The following CDH7 variants were observed in gnomAD, a reference collection of about 807,000 sequenced individuals.
The protein encoded by CDH7 is cadherin 7, also known as cadherin-7.
A neutral mutation model predicts 71.8 loss-of-function variants in CDH7; 25 were observed. That is an observed-to-expected ratio of 0.35 (90% CI 0.25 to 0.49). The LOEUF (loss-of-function observed/expected upper bound fraction) is 0.49. CDH7 is among the 20% of genes least tolerant of loss of function. The pLI is 0.99. For synonymous variants in CDH7, 381 were observed against 363.8 expected, an observed-to-expected ratio of 1.05 and a Z score of -0.54; for missense variants, 862 against 974.6, an observed-to-expected ratio of 0.88 and a Z score of 1.54.
intron 11 of CDH7, chr18:65,863,710 T>C (rs947361717): frequency 4.6e-5 from 7 of 152,214 alleles, no homozygotes; most frequent in Non-Finnish European, 8.8e-5. Context: ...ATCTTATATT[T>C]TTAAAGTATT....
intron 2 of CDH7, among the ~76,000 whole-genome samples, chr18:65,807,582 T>C (rs916795701): frequency 6.6e-6 from 1 of 152,218 alleles, no homozygotes; most frequent in African/African-American, 2.4e-5. Flanking sequence ...GGTAAGTTGC[T>C]ACCAGGTGCC....
chr18:65,845,083 T>C (rs958061202), intron 7 of CDH7, among the ~76,000 whole-genome samples: 1 of 150,998 alleles, frequency 6.6e-6, no homozygotes, highest in Admixed American at 6.6e-5. Flanking sequence ...TAATATTTAT[T>C]GATTTTAAAA....
intron 11 of CDH7, among the ~76,000 whole-genome samples, chr18:65,877,503 T>C (rs1226356075): frequency 6.6e-6 from 1 of 152,168 alleles, no homozygotes; most frequent in Non-Finnish European, 1.5e-5. Context: ...AGAGACCGCC[T>C]AATTATTATA....
chr18:65,791,734 C>T (rs749084691), intron 2 of CDH7, among the ~76,000 whole-genome samples: 13 of 152,286 alleles, frequency 8.5e-5, no homozygotes, highest in South Asian at 6.2e-4. Flanking sequence ...TGTCACATGA[C>T]GTAATGTATG....
chr18:65,771,311 A>G (rs891005805), intron 2 of CDH7, among the ~76,000 whole-genome samples: 3 of 152,062 alleles, frequency 2.0e-5, no homozygotes, highest in African/African-American at 2.4e-5. Context: ...TCTATAGTTT[A>G]GTTTTAACAA....
rs8091386 is a variant in CDH7 at position 65,859,849 on chromosome 18, A to T, written c.1612+24A>T. 0.22 allele frequency: 285,577 copies of T among 1,300,000 alleles called. 34,583 individuals are homozygous for T. The highest frequency in any genetic ancestry group is 0.25 in the Non-Finnish European group (226,732 of 895,064). The allele number at this position is 1,300,000 out of a possible 1,614,324, so 80.5% of individuals were successfully genotyped here. A position where few individuals can be genotyped will look rare whatever the true frequency, so the allele number is the denominator to read the frequency against. The stretch of plus-strand genomic sequence containing the variant: ...AGGTAATGTATTAATATTGTTACCG[A>T]TAGAGGCAGCAGGTACAGATACTCT... On this transcript the variant is annotated intron_variant, in intron 10 of 11. Transcript: ENST00000397968.
At chr18:65,750,270 A>T (rs1465309404), upstream of CDH7, 3 of 151,236 alleles carry the variant, frequency 2.0e-5, no homozygotes, top group Non-Finnish European at 4.4e-5. Context: ...GTCCGAGGAG[A>T]TTGAAAGGGC....
At chr18:65,787,196 T>C (rs111890431) in intron 2 of CDH7, among the ~76,000 whole-genome samples, 1 of 152,196 alleles carries the variant, frequency 6.6e-6, no homozygotes. Context: ...TTCATATATA[T>C]GTAGAAAGAG....
chr18:65,832,595 A>C (rs1331103330), intron 6 of CDH7, among the ~76,000 whole-genome samples: 2 of 152,084 alleles, frequency 1.3e-5, no homozygotes, highest in East Asian at 3.8e-4. Context: ...TTTCATCTTA[A>C]ACAGTTAAAG....
chr18:65,763,271 A>AATG (rs1295784243), intron 2 of CDH7, among the ~76,000 whole-genome samples: 2 of 152,298 alleles, frequency 1.3e-5, no homozygotes, highest in East Asian at 1.9e-4. Flanking sequence ...TATATTAGGG[A>AATG]ATGATGCTTC....
intron 11 of CDH7, chr18:65,863,696 G>T (rs543014074): frequency 1.5e-4 from 23 of 152,200 alleles, no homozygotes; most frequent in Admixed American, 7.2e-4. Flanking sequence ...TTTCAGCAAT[G>T]CAAATCTTAT....
chr18:65,859,754 G>T lies in CDH7; in HGVS notation c.1541G>T (p.Gly514Val). The part of the protein sequence containing the change: ...SAVDKDEPSN[G>V]HQFYFSLTTD... ...GTGGATAAAGATGAGCCATCCAATG[G>T]ACACCAGTTTTACTTCAGCTTAACA... The change falls in exon 10 of 12, where the codon GGA becomes GTA. Residue 514 changes from glycine to valine, a missense_variant. Physicochemically the swap from Gly to Val is moderately radical, Grantham distance 109. Coordinates refer to ENST00000397968, the MANE Select transcript of CDH7 (RefSeq NM_004361.5). 6.2e-7 allele frequency: 1 copy of T among 1,612,272 alleles called. No individual in the cohort carries two copies. The highest frequency in any genetic ancestry group is 8.5e-7 in the Non-Finnish European group (1 of 1,178,470).
chr18:65,766,927 A>C, intron 2 of CDH7, among the ~76,000 whole-genome samples: 1 of 126,472 alleles, frequency 7.9e-6, no homozygotes, highest in African/African-American at 3.0e-5. Context: ...AAAAAAGTCT[A>C]CAAAACCACT....
At position 65,888,097 on chromosome 18, in the gene CDH7, A is replaced by G. The variant is rs928757983; in HGVS notation, c.*7203A>G. 2 of 152,180 alleles carry G rather than the reference A, an allele frequency of 1.3e-5. No homozygotes were observed. Among genetic ancestry groups the G allele is most frequent in the Non-Finnish European group, 2.9e-5 (2 of 68,032 alleles). The allele number at this position is 152,180 out of a possible 1,614,324, so 9.4% of individuals were successfully genotyped here. ...AACCTGGGGTCAGGATGTATGTCCA[A>G]ACTGAATAGATTATTTTCGTTCAGC... On this transcript the variant is annotated 3_prime_UTR_variant, in exon 12 of 12. Coordinates refer to ENST00000397968, the MANE Select transcript of CDH7 (RefSeq NM_004361.5).
intron 1 of CDH7, among the ~76,000 whole-genome samples, chr18:65,751,351 G>A (rs1915869714): frequency 6.6e-6 from 1 of 152,248 alleles, no homozygotes; most frequent in African/African-American, 2.4e-5. Flanking sequence ...TGTGGACGGA[G>A]GCGGGGGCGT....
At chr18:65,771,254 A>G (rs1370004152) in intron 2 of CDH7, among the ~76,000 whole-genome samples, 1 of 152,164 alleles carries the variant, frequency 6.6e-6, no homozygotes, top group Non-Finnish European at 1.5e-5. Context: ...ATTATAATTC[A>G]TAAGAAATGA....
intron 7 of CDH7, among the ~76,000 whole-genome samples, chr18:65,856,309 G>T (rs1913353751): frequency 6.6e-6 from 1 of 152,152 alleles, no homozygotes; most frequent in Admixed American, 6.6e-5. Flanking sequence ...TAAATTTGAT[G>T]TATTGCAATG....
intron 4 of CDH7, among the ~76,000 whole-genome samples, chr18:65,815,752 A>C (rs1162379852): frequency 6.6e-6 from 1 of 152,198 alleles, no homozygotes; most frequent in South Asian, 2.1e-4. Context: ...GAAGTAAATG[A>C]AAGTATTTGA....
intron 11 of CDH7, chr18:65,866,331 C>CAAAAAAAAAAAAAAAAAAAAAAAAAAA (rs1291511991): frequency 3.8e-4 from 1 of 2,604 alleles, no homozygotes; most frequent in African/African-American, 9.0e-4. Flanking sequence ...AAAAAAAAAA[C>CAAAAAAAAAAAAAAAAAAAAAAAAAAA]AAAAAAAAAA....
Sources: gnomAD v4.1 joint callset for allele counts (sites outside exome capture counted in the v4.1 genomes callset) on GRCh38, gnomAD v4.1.1 for gene constraint, MANE v1.5 for transcripts, NCBI Gene and HGNC (gene_info 2026-07-23, HGNC 2026-07-21) for gene names.